Variants in AGMO observed in about 807,000 individuals in gnomAD.
AGMO encodes alkylglycerol monooxygenase.
A neutral mutation model predicts 60.2 loss-of-function variants in AGMO; 75 were observed. That is an observed-to-expected ratio of 1.25 (90% CI 1.03 to 1.51). AGMO has a LOEUF of 1.51. Among genes scored for constraint, AGMO ranks in the 40% most tolerant of loss-of-function variants. The pLI, the probability that AGMO is intolerant of heterozygous loss-of-function variation, is 0.00. For missense variants in AGMO, 763 were observed against 525.5 expected (o/e 1.45, Z -4.42); for synonymous variants, 261 against 177.1 (o/e 1.47, Z -3.76).
intron 3 of AGMO, among the ~76,000 whole-genome samples, chr7:15,517,519 G>A (rs909223757): frequency 6.6e-6 from 1 of 151,590 alleles, no homozygotes; most frequent in African/African-American, 2.4e-5. Flanking sequence ...AGGAGGCCAA[G>A]CAGAAGCAGG....
At chr7:15,303,166 G>A (rs557542526) in intron 12 of AGMO, among the ~76,000 whole-genome samples, 7 of 152,056 alleles carry the variant, frequency 4.6e-5, no homozygotes, top group South Asian at 4.2e-4. Flanking sequence ...TTAAGATGGC[G>A]GCACAGATGC....
At chr7:15,323,163 AGAT>A (rs1254084870) in intron 12 of AGMO, among the ~76,000 whole-genome samples, 5 of 152,108 alleles carry the variant, frequency 3.3e-5, no homozygotes, top group African/African-American at 9.6e-5. Flanking sequence ...CAATATAAAG[AGAT>A]GATAAGCGAA....
At chr7:15,157,491 G>T in the AGMO span, among the ~76,000 whole-genome samples, 1 of 152,166 alleles carries the variant, frequency 6.6e-6, no homozygotes, top group Non-Finnish European at 1.5e-5. Context: ...AGTTTGCCTT[G>T]CTATTTCTTA....
At chr7:15,259,297 GA>G (rs1325428423) in intron 12 of AGMO, among the ~76,000 whole-genome samples, 1 of 151,636 alleles carries the variant, frequency 6.6e-6, no homozygotes, top group Admixed American at 6.6e-5. Flanking sequence ...TGAACAAGCA[GA>G]AGAAAGAACC....
At chr7:15,370,747 T>C (rs1258917381) in intron 10 of AGMO, among the ~76,000 whole-genome samples, 6 of 152,202 alleles carry the variant, frequency 3.9e-5, no homozygotes, top group Non-Finnish European at 8.8e-5. Flanking sequence ...TTTGTTTTTT[T>C]CTTGTTGATC....
downstream of AGMO, among the ~76,000 whole-genome samples, chr7:15,197,406 T>C (rs1378314953): frequency 6.6e-6 from 1 of 152,220 alleles, no homozygotes; most frequent in Non-Finnish European, 1.5e-5. Context: ...TAAACTATCA[T>C]GTAAGCTGTT....
chr7:15,422,934 C>T (rs140507122), intron 4 of AGMO, among the ~76,000 whole-genome samples: 1 of 151,914 alleles, frequency 6.6e-6, no homozygotes, highest in Non-Finnish European at 1.5e-5. Context: ...TTAGTTTGGA[C>T]GAGGTAAGTA....
rs200777558 is a variant in AGMO, at chr7:15,509,383, T to A, written c.409+35389A>T. Among the ~76,000 whole-genome samples the A allele has an allele frequency of 4.0e-4, 55 of 138,374 alleles. No individual in the cohort carries two copies. In the East Asian group the frequency reaches 4.5e-3, roughly 11 times the overall value. 90.8% of individuals were successfully genotyped at this position (138,374 alleles called of 152,430 possible). On this transcript the variant is annotated intron_variant, in intron 3 of 12. Coordinates refer to ENST00000342526, the MANE Select transcript of AGMO (RefSeq NM_001004320.2). ...GTAGACCCACATGCAAAAAAAAAAATAAAAATGAAACTGGACAATTATCTT... is the reference window on the plus strand; with the variant it reads ...GTAGACCCACATGCAAAAAAAAAAAAAAAAATGAAACTGGACAATTATCTT...
chr7:15,150,676 T>C, the AGMO span, among the ~76,000 whole-genome samples: 1 of 152,158 alleles, frequency 6.6e-6, no homozygotes, highest in South Asian at 2.1e-4. Flanking sequence ...TGAATTAGCT[T>C]TTTAATGTAC....
intron 3 of AGMO, among the ~76,000 whole-genome samples, chr7:15,505,602 G>A (rs1783493606): frequency 6.6e-6 from 1 of 151,840 alleles, no homozygotes; most frequent in African/African-American, 2.4e-5. Context: ...TTGTTACACA[G>A]TTGTGAAAAG....
chr7:15,297,053 G>A (rs899502609), intron 12 of AGMO, among the ~76,000 whole-genome samples: 1 of 144,954 alleles, frequency 6.9e-6, no homozygotes, highest in African/African-American at 2.5e-5. Context: ...ATCTCTCTCT[G>A]TCTCTCTCTC....
At position 15,302,463 on chromosome 7, in the gene AGMO, A is replaced by T. The variant is rs147487952; in HGVS notation, c.1263+63051T>A. Among the ~76,000 whole-genome samples the T allele has an allele frequency of 4.7e-3, 722 of 152,324 alleles. 6 individuals carry two copies. The highest frequency in any genetic ancestry group is 0.016 in the African/African-American group (681 of 41,572). ...CAGTATTTCCACCAGATTTTATTTC[A>T]AAATTTATTATTTTGTTCTAACTCT... On this transcript the variant is annotated intron_variant, in intron 12 of 12. Transcript: ENST00000342526.
intron 12 of AGMO, among the ~76,000 whole-genome samples, chr7:15,352,150 G>A (rs767127991): frequency 1.3e-5 from 2 of 152,040 alleles, no homozygotes; most frequent in East Asian, 1.9e-4. Flanking sequence ...ACCATTTCAC[G>A]GACTGTTAGG....
chr7:15,486,104 G>T (rs1229281822), intron 3 of AGMO, among the ~76,000 whole-genome samples: 6 of 152,240 alleles, frequency 3.9e-5, no homozygotes, highest in Non-Finnish European at 8.8e-5. Context: ...TTGGATCATT[G>T]CTATAACATT....
intron 12 of AGMO, among the ~76,000 whole-genome samples, chr7:15,287,301 T>C (rs1391437726): frequency 2.6e-5 from 4 of 152,200 alleles, no homozygotes; most frequent in Non-Finnish European, 5.9e-5. Flanking sequence ...GGGACAAGAT[T>C]AGCAATGTTA....
At chr7:15,164,288 T>A in the AGMO span, among the ~76,000 whole-genome samples, 4 of 151,852 alleles carry the variant, frequency 2.6e-5, no homozygotes, top group South Asian at 2.1e-4. Flanking sequence ...ACTATAAAAA[T>A]CCTAGAAGAA....
intron 12 of AGMO, among the ~76,000 whole-genome samples, chr7:15,305,939 C>A (rs7804960): frequency 0.4 from 60,791 of 151,558 alleles, 14,094 homozygotes; most frequent in Non-Finnish European, 0.52. Flanking sequence ...TTCCAGATAA[C>A]AAAATTTTAA....
intron 12 of AGMO, among the ~76,000 whole-genome samples, chr7:15,257,057 G>A (rs548928068): frequency 6.6e-6 from 1 of 152,112 alleles, no homozygotes. Flanking sequence ...ATGAAAGAAT[G>A]ATAAAAGCAA....
chr7:15,144,130 C>T, the AGMO span, among the ~76,000 whole-genome samples: 1 of 152,098 alleles, frequency 6.6e-6, no homozygotes, highest in Admixed American at 6.6e-5. Context: ...ATTTGTCTTT[C>T]AAATGCACAA....
Sources: allele counts gnomAD v4.1 joint callset (sites outside exome capture counted in the v4.1 genomes callset), GRCh38; gene constraint gnomAD v4.1.1; transcripts MANE v1.5; gene names NCBI Gene and HGNC (gene_info 2026-07-23, HGNC 2026-07-21).